PARN: variants seen among roughly 807,000 people sequenced by gnomAD.
PARN encodes the protein poly(A)-specific ribonuclease PARN.
In PARN, 71 loss-of-function variants were observed where a neutral mutation model predicts 102.8. The ratio of observed to expected loss-of-function variants is 0.69; its 90% CI spans 0.57 to 0.84. The LOEUF (loss-of-function observed/expected upper bound fraction) is 0.84. PARN is among the 40% of genes least tolerant of loss of function. PARN has a pLI of 0.00. For synonymous variants in PARN, 261 were observed against 252.9 expected, an observed-to-expected ratio of 1.03 and a Z score of -0.30; for missense variants, 782 against 760.9, an observed-to-expected ratio of 1.03 and a Z score of -0.33.
At chr16:14,485,742 T>C (rs1376148797) in intron 21 of PARN, among the ~76,000 whole-genome samples, 1 of 152,120 alleles carries the variant, frequency 6.6e-6, no homozygotes, top group East Asian at 1.9e-4. Context: ...CGCTGGAGTA[T>C]AGTGGCGCCA....
chr16:14,566,101 G>A (rs1426026339), intron 18 of PARN, among the ~76,000 whole-genome samples: 3 of 152,170 alleles, frequency 2.0e-5, no homozygotes, highest in Admixed American at 1.3e-4. Context: ...CCTACAGTGG[G>A]CTGAATGGTG....
chr16:14,562,433 G>GAA (rs537258868), intron 18 of PARN, among the ~76,000 whole-genome samples: 12 of 58,470 alleles, frequency 2.1e-4, no homozygotes, highest in Non-Finnish European at 2.8e-4. Flanking sequence ...ACTCTGTCTC[G>GAA]AAAAAAAAAA....
chr16:14,458,529 T>G (rs748075176), intron 22 of PARN, among the ~76,000 whole-genome samples: 10 of 152,154 alleles, frequency 6.6e-5, no homozygotes, highest in Non-Finnish European at 1.5e-4. Context: ...CATCAGAGAA[T>G]GGGGTATCAG....
chr16:14,555,249 CA>C (rs1312460088), intron 19 of PARN, among the ~76,000 whole-genome samples: 1 of 151,988 alleles, frequency 6.6e-6, no homozygotes, highest in Non-Finnish European at 1.5e-5. Flanking sequence ...TAAAACAAAA[CA>C]AAACAAAACA....
At chr16:14,563,690 C>T (rs1171863903) in intron 18 of PARN, among the ~76,000 whole-genome samples, 1 of 150,510 alleles carries the variant, frequency 6.6e-6, no homozygotes, top group Non-Finnish European at 1.5e-5. Context: ...TGCACACCAC[C>T]GCACCTGGCT....
intron 1 of PARN, among the ~76,000 whole-genome samples, chr16:14,629,878 G>A (rs1031849431): frequency 6.6e-6 from 1 of 152,196 alleles, no homozygotes; most frequent in African/African-American, 2.4e-5. Flanking sequence ...GCCCGGAGAA[G>A]GACAAGGCCC....
At chr16:14,477,560 G>A (rs1180167249) in intron 22 of PARN, among the ~76,000 whole-genome samples, 2 of 151,524 alleles carry the variant, frequency 1.3e-5, no homozygotes, top group Non-Finnish European at 2.9e-5. Flanking sequence ...GGTGGATCAC[G>A]AGGTCAGGAG....
chr16:14,447,099 G>A lies in PARN; in HGVS notation c.1671-18C>T, dbSNP rs1053197115. 4 of 1,589,946 alleles carry A rather than the reference G, an allele frequency of 2.5e-6. No individual in the cohort carries two copies. Among genetic ancestry groups the A allele is most frequent in the African/African-American group, 1.3e-5 (1 of 74,174 alleles). Reference sequence around the variant, plus strand: ...CTGTAAAACTGAAATGCAAAAAGTGGAACAACATAAAAGGTGCTGAGAGTT... The same window carrying A: ...CTGTAAAACTGAAATGCAAAAAGTGAAACAACATAAAAGGTGCTGAGAGTT... On this transcript the variant is annotated intron_variant, in intron 22 of 23. Transcript: ENST00000437198.
chr16:14,603,579 T>C (rs537262227), intron 11 of PARN, among the ~76,000 whole-genome samples: 87 of 152,248 alleles, frequency 5.7e-4, no homozygotes, highest in Non-Finnish European at 9.1e-4. Context: ...ATAAATTCCA[T>C]GGATTCTACC....
At chr16:14,589,278 C>G (rs1970031144) in intron 13 of PARN, among the ~76,000 whole-genome samples, 1 of 152,046 alleles carries the variant, frequency 6.6e-6, no homozygotes, top group Admixed American at 6.6e-5. Flanking sequence ...AGTGGGTGAT[C>G]TGGCCAGGTG....
intron 21 of PARN, among the ~76,000 whole-genome samples, chr16:14,500,764 A>T (rs1964545124): frequency 6.6e-6 from 1 of 152,202 alleles, no homozygotes; most frequent in South Asian, 2.1e-4. Flanking sequence ...AAGTACCTGA[A>T]AGCAGCTTTC....
In PARN at chr16:14,521,218, T is replaced by C. The variant is rs918130904; in HGVS notation, c.1480+30803A>G. 7.9e-5 allele frequency among the ~76,000 whole-genome samples: 12 copies of C among 152,222 alleles called. 1 individual carries two copies. Among genetic ancestry groups the C allele is most frequent in the Admixed American group, 4.6e-4 (7 of 15,284 alleles). On this transcript the variant is annotated intron_variant, in intron 21 of 23. Coordinates refer to ENST00000437198, the MANE Select transcript of PARN (RefSeq NM_002582.4). ...AGAAAAACAAAGCAAAATAGAGTAC[T>C]TGACAGACAACAGAGAATTTCCCCT...
In PARN at chr16:14,591,317, G is replaced by A. The variant is rs564846073; in HGVS notation, c.918+1984C>T. Reference sequence around the variant, plus strand: ...GAGGCCGGGGAAACACTTGAACCTCGGAGGCGGAGGTTGCAGTGAGCCGAG... The same window carrying A: ...GAGGCCGGGGAAACACTTGAACCTCAGAGGCGGAGGTTGCAGTGAGCCGAG... On this transcript the variant is annotated intron_variant, in intron 13 of 23. Coordinates refer to ENST00000437198, the MANE Select transcript of PARN (RefSeq NM_002582.4). Among the ~76,000 whole-genome samples, 289 of 151,984 alleles carry A rather than the reference G, an allele frequency of 1.9e-3. 2 individuals carry two copies. Among genetic ancestry groups the A allele is most frequent in the African/African-American group, 6.5e-3 (270 of 41,456 alleles).
chr16:14,517,656 A>G (rs1023886673), intron 21 of PARN, among the ~76,000 whole-genome samples: 2 of 152,226 alleles, frequency 1.3e-5, no homozygotes, highest in African/African-American at 2.4e-5. Context: ...AGATTGCCTT[A>G]TAAGTCAACA....
intron 5 of PARN, among the ~76,000 whole-genome samples, chr16:14,625,218 A>G (rs150476092): frequency 3.3e-5 from 5 of 151,602 alleles, no homozygotes; most frequent in Non-Finnish European, 5.9e-5. Flanking sequence ...ACAAAACAAA[A>G]CAAAACTGTA....
At chr16:14,470,334 A>G (rs544452052) in intron 22 of PARN, among the ~76,000 whole-genome samples, 27 of 152,134 alleles carry the variant, frequency 1.8e-4, no homozygotes, top group African/African-American at 6.5e-4. Flanking sequence ...AAACCTTTCT[A>G]TGTTTTCAAA....
At chr16:14,548,886 G>A (rs988945664) in intron 21 of PARN, among the ~76,000 whole-genome samples, 4 of 152,154 alleles carry the variant, frequency 2.6e-5, no homozygotes, top group Non-Finnish European at 5.9e-5. Context: ...CCCAGGAGGT[G>A]GAGGCTGCAG....
intron 23 of PARN, among the ~76,000 whole-genome samples, chr16:14,438,595 C>T (rs760308198): frequency 6.6e-6 from 1 of 152,156 alleles, no homozygotes; most frequent in Non-Finnish European, 1.5e-5. Context: ...TTGAACAGGT[C>T]TCACTGCTTC....
chr16:14,518,821 T>C (rs1302144724), intron 21 of PARN, among the ~76,000 whole-genome samples: 1 of 152,132 alleles, frequency 6.6e-6, no homozygotes, highest in East Asian at 1.9e-4. Context: ...AACAGTTATA[T>C]TTTTAAAAGT....
Sources: gnomAD v4.1 joint callset for allele counts (sites outside exome capture counted in the v4.1 genomes callset) on GRCh38, gnomAD v4.1.1 for gene constraint, MANE v1.5 for transcripts, NCBI Gene and HGNC (gene_info 2026-07-23, HGNC 2026-07-21) for gene names.